TMC5: variants seen among roughly 807,000 people sequenced by gnomAD.
TMC5 encodes the protein transmembrane channel-like protein 5.
TMC5 carries 86 observed loss-of-function variants against 110.5 expected under a neutral mutation model. The ratio of observed to expected loss-of-function variants is 0.78; its 90% CI spans 0.65 to 0.93. The LOEUF is 0.93. Among genes scored for constraint, TMC5 ranks in the 40% least tolerant of loss-of-function variants. The pLI is 0.00. For missense variants in TMC5, 1,144 were observed against 1,222.8 expected (o/e 0.94, Z 0.96); for synonymous variants, 455 against 439.5 (o/e 1.04, Z -0.44).
rs560246687 is a variant in TMC5 at position 19,425,678 on chromosome 16, C to T, written c.-307-4735C>T. Among the ~76,000 whole-genome samples the T allele has an allele frequency of 1.2e-3, 185 of 152,126 alleles. 1 individual carries two copies. The highest frequency in any genetic ancestry group is 4.4e-3 in the African/African-American group (181 of 41,512). On this transcript the variant is annotated intron_variant, in intron 1 of 21. Coordinates refer to ENST00000542583, the MANE Select transcript of TMC5 (RefSeq NM_001261841.2). ...CTTCTTCATCTTGCTTTAGCTTTTCCTCAAGCAATTTATTTTTTTATTTAT... is the reference window on the plus strand; with the variant it reads ...CTTCTTCATCTTGCTTTAGCTTTTCTTCAAGCAATTTATTTTTTTATTTAT...
intron 5 of TMC5, chr16:19,456,605 A>G (rs557082164): frequency 2.0e-6 from 3 of 1,507,690 alleles, no homozygotes; most frequent in African/African-American, 2.8e-5. Context: ...TGTGATCATC[A>G]TCACTTTTTC....
chr16:19,496,374 C>G (rs1034208975), intron 20 of TMC5, among the ~76,000 whole-genome samples: 1 of 152,020 alleles, frequency 6.6e-6, no homozygotes, highest in African/African-American at 2.4e-5. Flanking sequence ...AACAGTAAAT[C>G]CACCTTAACG....
At chr16:19,434,079 TA>T (rs58897810) in intron 2 of TMC5, among the ~76,000 whole-genome samples, 8 of 14,944 alleles carry the variant, frequency 5.4e-4, no homozygotes, top group South Asian at 4.2e-3. Flanking sequence ...ATATTATATA[TA>T]ATATATATAT....
At chr16:19,488,715 TTC>T (rs1264593522) in intron 17 of TMC5, among the ~76,000 whole-genome samples, 3 of 152,178 alleles carry the variant, frequency 2.0e-5, no homozygotes, top group Non-Finnish European at 2.9e-5. Context: ...TCCCCACTGC[TTC>T]TCTCTCTCAG....
At chr16:19,442,034 C>T (rs975757016) in intron 3 of TMC5, among the ~76,000 whole-genome samples, 5 of 152,188 alleles carry the variant, frequency 3.3e-5, no homozygotes, top group Admixed American at 6.5e-5. Flanking sequence ...AACTCCCAAT[C>T]TGAGGTGATC....
At chr16:19,418,727 G>GTGTTTTTTTT (rs1567294138) in intron 1 of TMC5, among the ~76,000 whole-genome samples, 1 of 119,116 alleles carries the variant, frequency 8.4e-6, no homozygotes, top group Non-Finnish European at 1.8e-5. Context: ...TGATTTTTGT[G>GTGTTTTTTTT]TTTTTTTTTT....
chr16:19,465,378 A>G lies in TMC5; in HGVS notation c.1486-704A>G, dbSNP rs538063954. On this transcript the variant is annotated intron_variant, in intron 8 of 21. Coordinates refer to ENST00000542583, the MANE Select transcript of TMC5 (RefSeq NM_001261841.2). Reference sequence around the variant, plus strand: ...GCAAAACCCCATCTCTACTTAAAATACAAAAATTAGCCGGATGTGGTGGCA... The same window carrying G: ...GCAAAACCCCATCTCTACTTAAAATGCAAAAATTAGCCGGATGTGGTGGCA... Among the ~76,000 whole-genome samples the G allele has an allele frequency of 4.7e-4, 71 of 152,148 alleles. No homozygotes were observed. In the Middle Eastern group the frequency reaches 0.01, roughly 22 times the overall value.
chr16:19,435,744 T>A lies in TMC5; in HGVS notation c.-79-4216T>A, dbSNP rs554110601. ...TTCTGTCACCATGTATTACTTTGCC[T>A]GCTTTTGAACTTTGTAAAAACATTA... On this transcript the variant is annotated intron_variant, in intron 2 of 21. Coordinates refer to ENST00000542583, the MANE Select transcript of TMC5 (RefSeq NM_001261841.2). 8.5e-5 allele frequency among the ~76,000 whole-genome samples: 13 copies of A among 152,340 alleles called. No homozygotes were observed. In the South Asian group the frequency reaches 2.7e-3, roughly 32 times the overall value.
intron 5 of TMC5, among the ~76,000 whole-genome samples, chr16:19,452,350 A>C (rs74633443): frequency 0.07 from 10,717 of 152,166 alleles, 766 homozygotes; most frequent in African/African-American, 0.19. Context: ...TCAGAAAGCT[A>C]CCTGAACCCA....
chr16:19,465,261 C>T (rs1014687190), intron 8 of TMC5, among the ~76,000 whole-genome samples: 2 of 151,954 alleles, frequency 1.3e-5, no homozygotes, highest in African/African-American at 4.8e-5. Context: ...CAGCCGGGTA[C>T]GGTGGCTCAC....
rs1371166893 is a variant in TMC5 at position 19,490,737 on chromosome 16, TCC to T, written c.2747+170_2747+171del. The stretch of plus-strand genomic sequence containing the variant: ...TTCCTTCCTTCCTTCCTTCCTTCCT[TCC>T]TTCCTTCCTTCCTTCCTTCCTTCCC... On this transcript the variant is annotated intron_variant, in intron 18 of 21. Transcript: ENST00000542583. Among the ~76,000 whole-genome samples the T allele has an allele frequency of 1.8e-4, 18 of 100,026 alleles. 1 individual carries two copies. Among genetic ancestry groups the T allele is most frequent in the African/African-American group, 4.9e-4 (16 of 32,350 alleles). The allele number at this position is 100,026 out of a possible 152,430, so 65.6% of individuals were successfully genotyped here.
chr16:19,461,768 C>A (rs537153133), intron 6 of TMC5, among the ~76,000 whole-genome samples: 1 of 151,814 alleles, frequency 6.6e-6, no homozygotes, highest in Non-Finnish European at 1.5e-5. Context: ...GATGCAACAA[C>A]AATTACTAGT....
At chr16:19,433,430 G>T (rs56293047) in intron 2 of TMC5, among the ~76,000 whole-genome samples, 121,245 of 152,112 alleles carry the variant, frequency 0.8, 48,461 homozygotes, top group South Asian at 0.91. Context: ...TCTTCCTGCA[G>T]CACAATGACC....
At chr16:19,492,260 C>T (rs967894068) in intron 19 of TMC5, 32 bp downstream of exon 19, 1 of 1,525,306 alleles carries the variant, frequency 6.6e-7, no homozygotes, top group Non-Finnish European at 9.1e-7. Flanking sequence ...TGATGTCCGC[C>T]CTCACCCTTT....
intron 12 of TMC5, among the ~76,000 whole-genome samples, chr16:19,476,672 C>A (rs937861552): frequency 1.3e-5 from 2 of 152,166 alleles, no homozygotes; most frequent in Non-Finnish European, 1.5e-5. Context: ...GAAATCAGAT[C>A]ATTTGGAGAT....
intron 2 of TMC5, among the ~76,000 whole-genome samples, chr16:19,437,524 G>A (rs1002158024): frequency 6.6e-6 from 1 of 152,226 alleles, no homozygotes; most frequent in Non-Finnish European, 1.5e-5. Context: ...GACTGTAGGT[G>A]TTGGCAGAAA....
intron 6 of TMC5, 61 bp from the exon 7 acceptor site, chr16:19,463,218 AT>A: frequency 9.2e-6 from 12 of 1,306,798 alleles, no homozygotes; most frequent in Non-Finnish European, 1.2e-5. Flanking sequence ...CCATGTAACT[AT>A]TTTTTGAATG....
intron 15 of TMC5, among the ~76,000 whole-genome samples, chr16:19,484,201 A>T (rs1226072880): frequency 6.6e-6 from 1 of 152,064 alleles, no homozygotes; most frequent in African/African-American, 2.4e-5. Flanking sequence ...TTATTTTCTG[A>T]CTCTTTAAAG....
chr16:19,445,458 C>A (rs1324913158), intron 4 of TMC5, among the ~76,000 whole-genome samples: 1 of 151,902 alleles, frequency 6.6e-6, no homozygotes, highest in Non-Finnish European at 1.5e-5. Context: ...CCTGGGCTGG[C>A]CTTGAACTCC....
Sources: allele counts gnomAD v4.1 joint callset (sites outside exome capture counted in the v4.1 genomes callset), GRCh38; gene constraint gnomAD v4.1.1; transcripts MANE v1.5; gene names NCBI Gene and HGNC (gene_info 2026-07-23, HGNC 2026-07-21).